The following GRIN2B variants were observed in gnomAD, a reference collection of about 807,000 sequenced individuals.
GRIN2B encodes the protein glutamate ionotropic receptor NMDA type subunit 2B, also known as glutamate receptor ionotropic, NMDA 2B.
In GRIN2B, 5 loss-of-function variants were observed where a neutral mutation model predicts 114.5. That is an observed-to-expected ratio of 0.04 (90% CI 0.02 to 0.09). The LOEUF (loss-of-function observed/expected upper bound fraction) is 0.09. Among genes scored for constraint, GRIN2B ranks in the 10% least tolerant of loss-of-function variants. GRIN2B has a pLI of 1.00. For synonymous variants in GRIN2B, 787 were observed against 745.1 expected, an observed-to-expected ratio of 1.06 and a Z score of -0.92; for missense variants, 1,108 against 1,943.5, an observed-to-expected ratio of 0.57 and a Z score of 8.08.
rs963351281 is a variant in GRIN2B, at chr12:13,553,469, C to T, written c.*9314G>A. 1 of 152,188 alleles carries T rather than the reference C, an allele frequency of 6.6e-6. No homozygotes were observed. Among genetic ancestry groups the T allele is most frequent in the African/African-American group, 2.4e-5 (1 of 41,442 alleles). The allele number at this position is 152,188 out of a possible 1,614,324, so 9.4% of individuals were successfully genotyped here. A position where few individuals can be genotyped will look rare whatever the true frequency, so the allele number is the denominator to read the frequency against. ...AGAAGTGATCCTGTAGACAAAGCCT[C>T]AGAAAGGGTGAGAAGCCAAAGAACT... is the stretch of plus-strand genomic sequence containing the variant. On this transcript the variant is annotated 3_prime_UTR_variant, in exon 14 of 14. Coordinates refer to ENST00000609686, the MANE Select transcript of GRIN2B (RefSeq NM_000834.5).
At chr12:13,643,912 A>G (rs1434153696) in intron 5 of GRIN2B, among the ~76,000 whole-genome samples, 2 of 152,104 alleles carry the variant, frequency 1.3e-5, no homozygotes, top group Non-Finnish European at 2.9e-5. Context: ...TCCAGATCTC[A>G]TACTGTTTCC....
rs1377327573 is a variant in GRIN2B at position 13,552,715 on chromosome 12, A to G, written c.*10068T>C. On this transcript the variant is annotated 3_prime_UTR_variant, in exon 14 of 14. Coordinates refer to ENST00000609686, the MANE Select transcript of GRIN2B (RefSeq NM_000834.5). ...TGGGTTTTGCTCTAAAATATTAACTATTCTCATTTTCAGGAGCAAGGCTAT... is the reference window on the plus strand; with the variant it reads ...TGGGTTTTGCTCTAAAATATTAACTGTTCTCATTTTCAGGAGCAAGGCTAT... 1 of 152,078 alleles carries G rather than the reference A, an allele frequency of 6.6e-6. No individual in the cohort carries two copies. Among genetic ancestry groups the G allele is most frequent in the Non-Finnish European group, 1.5e-5 (1 of 68,004 alleles). 9.4% of individuals were successfully genotyped at this position (152,078 alleles called of 1,614,324 possible).
intron 2 of GRIN2B, among the ~76,000 whole-genome samples, chr12:13,975,966 T>C (rs1863011455): frequency 6.6e-6 from 1 of 152,094 alleles, no homozygotes; most frequent in Admixed American, 6.6e-5. Flanking sequence ...AGACCAAAAA[T>C]AAGGTGGAGA....
chr12:13,709,961 G>T (rs944174665), intron 4 of GRIN2B, among the ~76,000 whole-genome samples: 1 of 151,852 alleles, frequency 6.6e-6, no homozygotes, highest in African/African-American at 2.4e-5. Context: ...GTCCACAAAA[G>T]CATATAAACA....
chr12:13,748,113 G>C (rs916298781), intron 4 of GRIN2B, among the ~76,000 whole-genome samples: 2 of 152,176 alleles, frequency 1.3e-5, no homozygotes, highest in African/African-American at 4.8e-5. Context: ...AGCCTTTTAA[G>C]ATGGCAACTT....
chr12:13,834,963 C>T (rs745580676), intron 3 of GRIN2B, among the ~76,000 whole-genome samples: 3 of 152,196 alleles, frequency 2.0e-5, no homozygotes, highest in Non-Finnish European at 2.9e-5. Context: ...GCCAAGTTTG[C>T]GCATCTCTGC....
chr12:13,952,078 G>A (rs374998676), intron 2 of GRIN2B, among the ~76,000 whole-genome samples: 1 of 151,584 alleles, frequency 6.6e-6, no homozygotes, highest in African/African-American at 2.4e-5. Flanking sequence ...TTTTTGGTTG[G>A]GGGTGTGAAG....
intron 2 of GRIN2B, among the ~76,000 whole-genome samples, chr12:13,883,767 A>G (rs1866104944): frequency 6.6e-6 from 1 of 152,114 alleles, no homozygotes; most frequent in South Asian, 2.1e-4. Context: ...GTGCCTTTCA[A>G]AAAAAGAAGT....
intron 4 of GRIN2B, among the ~76,000 whole-genome samples, chr12:13,747,882 T>C (rs185952678): frequency 1.8e-3 from 269 of 152,356 alleles, no homozygotes; most frequent in African/African-American, 6.1e-3. Flanking sequence ...CATTTATTTT[T>C]TTAACCTTTC....
At chr12:13,931,020 GTTTTCC>G (rs1867020044) in intron 2 of GRIN2B, among the ~76,000 whole-genome samples, 1 of 152,132 alleles carries the variant, frequency 6.6e-6, no homozygotes, top group Admixed American at 6.5e-5. Context: ...GAAGAAAAAT[GTTTTCC>G]TGGTATGTTC....
chr12:13,937,267 C>T (rs185948875), intron 2 of GRIN2B, among the ~76,000 whole-genome samples: 274 of 151,602 alleles, frequency 1.8e-3, no homozygotes, highest in African/African-American at 6.2e-3. Context: ...AAAAATTTCC[C>T]GAATGCCAAT....
At chr12:13,825,886 G>A (rs1865026652) in intron 3 of GRIN2B, among the ~76,000 whole-genome samples, 1 of 151,866 alleles carries the variant, frequency 6.6e-6, no homozygotes, top group African/African-American at 2.4e-5. Context: ...CATATAGTTG[G>A]GTCTTGCTTT....
At chr12:13,878,163 G>A (rs778772209) in intron 2 of GRIN2B, among the ~76,000 whole-genome samples, 4 of 151,880 alleles carry the variant, frequency 2.6e-5, no homozygotes, top group South Asian at 2.1e-4. Context: ...CTTCCCAGTC[G>A]TCCGGTTTCC....
intron 4 of GRIN2B, among the ~76,000 whole-genome samples, chr12:13,699,114 G>A (rs1950288096): frequency 6.6e-6 from 1 of 152,170 alleles, no homozygotes; most frequent in African/African-American, 2.4e-5. Flanking sequence ...CATGCATAAG[G>A]TTAAAGGCTA....
At chr12:13,894,894 G>A (rs1866329335) in intron 2 of GRIN2B, among the ~76,000 whole-genome samples, 1 of 152,046 alleles carries the variant, frequency 6.6e-6, no homozygotes, top group South Asian at 2.1e-4. Context: ...TCTGTCTAGG[G>A]TCACATATTT....
chr12:13,590,296 C>T (rs117965408), intron 10 of GRIN2B, among the ~76,000 whole-genome samples: 14,116 of 152,040 alleles, frequency 0.093, 891 homozygotes, highest in Non-Finnish European at 0.15. Flanking sequence ...TAGGTATACA[C>T]GTACCACGGT....
chr12:13,777,200 C>T (rs889561098), intron 3 of GRIN2B, among the ~76,000 whole-genome samples: 6 of 152,130 alleles, frequency 3.9e-5, no homozygotes, highest in African/African-American at 1.4e-4. Context: ...AACGCAAGGG[C>T]CACACAGAAA....
At chr12:13,965,587 G>C (rs1177658564) in intron 2 of GRIN2B, among the ~76,000 whole-genome samples, 2 of 151,044 alleles carry the variant, frequency 1.3e-5, no homozygotes, top group Non-Finnish European at 2.9e-5. Flanking sequence ...ACACGTGTGT[G>C]TGATTGTATG....
intron 4 of GRIN2B, 39 bp from the exon 5 acceptor site, chr12:13,675,898 G>A (rs767150692): frequency 8.6e-7 from 1 of 1,167,942 alleles, no homozygotes; most frequent in Admixed American, 1.7e-5. Context: ...AAAGTATGAA[G>A]AGGGTATACC....
Sources: gnomAD v4.1 joint callset for allele counts (sites outside exome capture counted in the v4.1 genomes callset) on GRCh38, gnomAD v4.1.1 for gene constraint, MANE v1.5 for transcripts, NCBI Gene and HGNC (gene_info 2026-07-23, HGNC 2026-07-21) for gene names.